Variants in LRP1B observed in about 807,000 individuals in gnomAD.
LRP1B encodes the protein low-density lipoprotein receptor-related protein 1B.
Under a neutral mutation model 556.6 loss-of-function variants are expected in LRP1B, and 217 were observed. The ratio of observed to expected loss-of-function variants is 0.39; its 90% CI spans 0.35 to 0.44. The LOEUF is 0.44. Among genes scored for constraint, LRP1B ranks in the 20% least tolerant of loss-of-function variants. The pLI is 1.00. For synonymous variants in LRP1B, 2,047 were observed against 1,865.8 expected (o/e 1.10, Z -2.50); for missense variants, 5,053 against 5,620.8 (o/e 0.90, Z 3.23).
At chr2:140,728,409 AG>A (rs1687666068) in intron 35 of LRP1B, among the ~76,000 whole-genome samples, 1 of 152,176 alleles carries the variant, frequency 6.6e-6, no homozygotes, top group African/African-American at 2.4e-5. Flanking sequence ...AACAGCTCCA[AG>A]GAGAAATTTT....
chr2:140,543,685 T>C (rs1680219825), intron 43 of LRP1B, among the ~76,000 whole-genome samples: 1 of 151,814 alleles, frequency 6.6e-6, no homozygotes, highest in South Asian at 2.1e-4. Flanking sequence ...CAAAAATAAA[T>C]AAATAAATAA....
Position 141,110,559 on chromosome 2 carries a change from A to G in LRP1B, c.1014-48286T>C, listed in dbSNP as rs376098357. 2.0e-5 allele frequency among the ~76,000 whole-genome samples: 3 copies of G among 152,136 alleles called. No homozygotes were observed. The East Asian group carries it at 5.8e-4, about 29-fold the overall frequency. Reference sequence around the variant, plus strand: ...AAAGCGAAGGTGGAGAAAAACCTTTATGGGAAGAACAGGAGAGTTTCCATA... The same window carrying G: ...AAAGCGAAGGTGGAGAAAAACCTTTGTGGGAAGAACAGGAGAGTTTCCATA... On this transcript the variant is annotated intron_variant, in intron 7 of 90. Transcript: ENST00000389484.
intron 43 of LRP1B, among the ~76,000 whole-genome samples, chr2:140,592,278 T>G (rs1438505973): frequency 6.6e-6 from 1 of 152,116 alleles, no homozygotes; most frequent in African/African-American, 2.4e-5. Flanking sequence ...GAACCATAAT[T>G]GGCATTAAAT....
intron 41 of LRP1B, among the ~76,000 whole-genome samples, chr2:140,606,305 G>A (rs1682866768): frequency 6.6e-6 from 1 of 151,664 alleles, no homozygotes; most frequent in South Asian, 2.1e-4. Flanking sequence ...AATAAGTTTA[G>A]CAAAATAATT....
At chr2:141,501,258 TA>T (rs1683699335) in intron 2 of LRP1B, among the ~76,000 whole-genome samples, 1 of 152,138 alleles carries the variant, frequency 6.6e-6, no homozygotes, top group African/African-American at 2.4e-5. Context: ...TATAATACAC[TA>T]ATAAATTCAA....
rs2105095368 is a variant in LRP1B at position 140,840,101 on chromosome 2, A to G, written c.5115-16T>C. 3.4e-6 allele frequency: 5 copies of G among 1,484,244 alleles called. No individual in the cohort carries two copies. The highest frequency in any genetic ancestry group is 4.6e-6 in the Non-Finnish European group (5 of 1,077,256). 91.9% of individuals were successfully genotyped at this position (1,484,244 alleles called of 1,614,324 possible). A position where few individuals can be genotyped will look rare whatever the true frequency, so the allele number is the denominator to read the frequency against. ...GTAGAGTTTTCTTAATTCAAAAGACATATGGATTGAAAATATTAGATGTAG... is the reference window on the plus strand; with the variant it reads ...GTAGAGTTTTCTTAATTCAAAAGACGTATGGATTGAAAATATTAGATGTAG... On this transcript the variant is annotated splice_polypyrimidine_tract_variant and intron_variant, in intron 30 of 90. Coordinates refer to ENST00000389484, the MANE Select transcript of LRP1B (RefSeq NM_018557.3).
At chr2:140,653,051 G>T (rs140134816) in intron 41 of LRP1B, among the ~76,000 whole-genome samples, 1 of 152,020 alleles carries the variant, frequency 6.6e-6, no homozygotes, top group African/African-American at 2.4e-5. Flanking sequence ...CAGACCAAAA[G>T]AATGAAATGT....
rs991373760 is a variant in LRP1B at position 140,495,837 on chromosome 2, C to T, written c.8851-89G>A. On this transcript the variant is annotated intron_variant, in intron 55 of 90. Transcript: ENST00000389484. ...TCTCTTTAGCATTAAGCAAGAAAAG[C>T]ATTTGAAAATAGATAAAGGCAAGTC... 4.9e-5 allele frequency: 53 copies of T among 1,089,872 alleles called. No individual in the cohort carries two copies. The South Asian group carries it at 7.6e-4, about 16-fold the overall frequency. The allele number at this position is 1,089,872 out of a possible 1,614,324, so 67.5% of individuals were successfully genotyped here.
chr2:141,853,574 T>C (rs1304031009), intron 1 of LRP1B, among the ~76,000 whole-genome samples: 1 of 151,850 alleles, frequency 6.6e-6, no homozygotes, highest in Non-Finnish European at 1.5e-5. Context: ...TAAAGCTAAA[T>C]ATCAATACAA....
intron 31 of LRP1B, among the ~76,000 whole-genome samples, chr2:140,826,149 G>A (rs1217044111): frequency 1.3e-5 from 2 of 152,184 alleles, no homozygotes; most frequent in African/African-American, 4.8e-5. Flanking sequence ...CTAAGGGCTA[G>A]CCAGTTTTCA....
At chr2:141,935,903 C>G (rs1700622933) in intron 1 of LRP1B, among the ~76,000 whole-genome samples, 1 of 152,188 alleles carries the variant, frequency 6.6e-6, no homozygotes, top group Non-Finnish European at 1.5e-5. Flanking sequence ...GCCAAAGCAA[C>G]ATGAGACCCT....
chr2:140,632,498 A>G (rs1369842713), intron 41 of LRP1B, among the ~76,000 whole-genome samples: 1 of 152,154 alleles, frequency 6.6e-6, no homozygotes, highest in Non-Finnish European at 1.5e-5. Context: ...TAAAAATATA[A>G]AGCAAAATAT....
At chr2:141,274,820 A>G (rs1392045465) in intron 3 of LRP1B, among the ~76,000 whole-genome samples, 1 of 152,194 alleles carries the variant, frequency 6.6e-6, no homozygotes, top group Non-Finnish European at 1.5e-5. Flanking sequence ...GTTAAGTACT[A>G]CCTTAAATTC....
intron 37 of LRP1B, among the ~76,000 whole-genome samples, chr2:140,707,108 T>C (rs1289325467): frequency 6.6e-6 from 1 of 152,160 alleles, no homozygotes; most frequent in Admixed American, 6.6e-5. Context: ...TTCTCTTCTT[T>C]GATTGCTAAA....
At chr2:140,654,009 G>T in intron 41 of LRP1B, among the ~76,000 whole-genome samples, 1 of 103,718 alleles carries the variant, frequency 9.6e-6, no homozygotes, top group Non-Finnish European at 1.7e-5. Flanking sequence ...TGGGAGACAA[G>T]AGCAAGACTC....
chr2:142,114,251 T>C (rs1418834863), intron 1 of LRP1B, among the ~76,000 whole-genome samples: 1 of 152,160 alleles, frequency 6.6e-6, no homozygotes, highest in East Asian at 1.9e-4. Flanking sequence ...AACGTATCTA[T>C]ATTTTTCCTC....
Position 140,495,560 on chromosome 2 carries a change from G to A in LRP1B, c.9034+5C>T, listed in dbSNP as rs898103910. 3.8e-6 allele frequency: 6 copies of A among 1,570,986 alleles called. No individual in the cohort carries two copies. The highest frequency in any genetic ancestry group is 2.7e-5 in the African/African-American group (2 of 74,460). On this transcript the variant is annotated splice_donor_5th_base_variant and intron_variant, in intron 56 of 90. Transcript: ENST00000389484. ...TTGGATCAGTGGGCAAGTTCAATTC[G>A]ATACCTGAGAGCGATTTGCAGCCAT...
intron 33 of LRP1B, among the ~76,000 whole-genome samples, chr2:140,775,088 G>A (rs1386276597): frequency 6.6e-6 from 1 of 151,988 alleles, no homozygotes; most frequent in Admixed American, 6.6e-5. Context: ...TTATGAATAC[G>A]TAATATGTTT....
chr2:141,040,903 T>C (rs1698678814), intron 11 of LRP1B, among the ~76,000 whole-genome samples: 3 of 152,102 alleles, frequency 2.0e-5, no homozygotes, highest in African/African-American at 4.8e-5. Context: ...GAGAATATAT[T>C]TGACAGAAAG....
Sources: gnomAD v4.1 joint callset for allele counts (sites outside exome capture counted in the v4.1 genomes callset) on GRCh38, gnomAD v4.1.1 for gene constraint, MANE v1.5 for transcripts, NCBI Gene and HGNC (gene_info 2026-07-23, HGNC 2026-07-21) for gene names.